Variants in ZNF609 observed in about 807,000 individuals in gnomAD.
ZNF609 encodes the protein zinc finger protein 609.
In ZNF609, 11 loss-of-function variants were observed where a neutral mutation model predicts 109.5. The observed-to-expected ratio is 0.10, with a 90% confidence interval of 0.06 to 0.17. The LOEUF is 0.17. ZNF609 is among the 10% of genes least tolerant of loss of function. The pLI is 1.00. For synonymous variants in ZNF609, 646 were observed against 662.0 expected (o/e 0.98, Z 0.37); for missense variants, 1,559 against 1,772.4 (o/e 0.88, Z 2.16).
At chr15:64,678,581 G>C (rs1327717409) in intron 6 of ZNF609, 99 bp downstream of exon 6, 5 of 1,493,308 alleles carry the variant, frequency 3.3e-6, no homozygotes, top group African/African-American at 1.4e-5. Flanking sequence ...AAGGCATATT[G>C]AGGCTCGCTT....
intron 1 of ZNF609, among the ~76,000 whole-genome samples, chr15:64,479,765 A>G (rs1893225753): frequency 6.6e-6 from 1 of 151,954 alleles, no homozygotes; most frequent in Admixed American, 6.5e-5. Flanking sequence ...CTAAAAATAC[A>G]AACATTAGCT....
intron 3 of ZNF609, among the ~76,000 whole-genome samples, chr15:64,646,325 C>T (rs73454930): frequency 0.046 from 7,020 of 151,946 alleles, 537 homozygotes; most frequent in African/African-American, 0.16. Flanking sequence ...AAGACTGCAT[C>T]TCTAGAAAAA....
At chr15:64,639,280 C>A (rs1896220085) in intron 3 of ZNF609, among the ~76,000 whole-genome samples, 1 of 152,192 alleles carries the variant, frequency 6.6e-6, no homozygotes, top group Non-Finnish European at 1.5e-5. Flanking sequence ...CTGATTTAAT[C>A]AACACCACAT....
chr15:64,492,824 C>T (rs1893432469), intron 1 of ZNF609, among the ~76,000 whole-genome samples: 1 of 152,220 alleles, frequency 6.6e-6, no homozygotes, highest in Non-Finnish European at 1.5e-5. Context: ...GAAATCACAT[C>T]TCCTGACTCA....
intron 3 of ZNF609, among the ~76,000 whole-genome samples, chr15:64,639,859 G>A (rs575223448): frequency 1.3e-5 from 2 of 152,260 alleles, no homozygotes; most frequent in Admixed American, 1.3e-4. Context: ...AAGTCAGTCT[G>A]AGCAGATCAT....
chr15:64,598,159 G>T (rs1026600124), intron 2 of ZNF609, among the ~76,000 whole-genome samples: 11 of 152,154 alleles, frequency 7.2e-5, no homozygotes, highest in African/African-American at 2.7e-4. Flanking sequence ...CTGTCACCCA[G>T]GCTGGAGTGC....
chr15:64,638,751 C>T (rs1295038852), intron 3 of ZNF609, among the ~76,000 whole-genome samples: 7 of 151,936 alleles, frequency 4.6e-5, no homozygotes, highest in Non-Finnish European at 7.4e-5. Context: ...GAAAATTAGC[C>T]AGGCTTGGTT....
rs573074783 is a variant in ZNF609 at position 64,485,496 on chromosome 15, C to T, written c.-127-13797C>T. 3.9e-5 allele frequency among the ~76,000 whole-genome samples: 6 copies of T among 152,118 alleles called. No individual in the cohort carries two copies. In the East Asian group the frequency reaches 5.8e-4, roughly 15 times the overall value. On this transcript the variant is annotated intron_variant, in intron 1 of 9. Transcript: ENST00000326648. ...ATTTTGAGATAATTATAGAGTCTTA[C>T]GCAGTTGTAAGAATAATGCAGTGGG...
intron 1 of ZNF609, among the ~76,000 whole-genome samples, chr15:64,477,907 G>C (rs770523881): frequency 2.6e-5 from 4 of 152,124 alleles, no homozygotes; most frequent in Admixed American, 6.5e-5. Flanking sequence ...TGGGATTATA[G>C]GCATGAGCCA....
At chr15:64,663,017 A>C (rs962253195) in intron 3 of ZNF609, among the ~76,000 whole-genome samples, 5 of 152,214 alleles carry the variant, frequency 3.3e-5, no homozygotes, top group South Asian at 2.1e-4. Context: ...ATACATACAG[A>C]TGTATGTATC....
At chr15:64,673,834 C>T in intron 4 of ZNF609, 82 bp from the exon 5 acceptor site, 1 of 1,424,900 alleles carries the variant, frequency 7.0e-7, no homozygotes, top group Middle Eastern at 2.3e-4. Flanking sequence ...ACCATCTGGA[C>T]AGTTCTGGAG....
At chr15:64,604,570 A>G (rs1054703478) in intron 2 of ZNF609, among the ~76,000 whole-genome samples, 10 of 152,222 alleles carry the variant, frequency 6.6e-5, no homozygotes, top group African/African-American at 2.4e-4. Context: ...CAGCATTTGT[A>G]TTATAACATC....
intron 5 of ZNF609, among the ~76,000 whole-genome samples, chr15:64,676,863 C>T (rs1456199941): frequency 6.6e-6 from 1 of 152,014 alleles, no homozygotes; most frequent in African/African-American, 2.4e-5. Flanking sequence ...ACACGATTCT[C>T]CTGCCTCAGC....
At chr15:64,633,897 T>C (rs1305443976) in intron 3 of ZNF609, among the ~76,000 whole-genome samples, 1 of 151,462 alleles carries the variant, frequency 6.6e-6, no homozygotes, top group African/African-American at 2.4e-5. Context: ...AAAAAAATTA[T>C]TAAAAAAAAA....
intron 2 of ZNF609, among the ~76,000 whole-genome samples, chr15:64,514,849 C>T (rs903509395): frequency 2.0e-5 from 3 of 152,150 alleles, no homozygotes; most frequent in Admixed American, 1.3e-4. Context: ...ACACTTGAGG[C>T]TGGCCCCAAA....
chr15:64,474,608 T>G (rs976249565), intron 1 of ZNF609, among the ~76,000 whole-genome samples: 4 of 152,228 alleles, frequency 2.6e-5, no homozygotes, highest in African/African-American at 9.6e-5. Context: ...ATACAACTGC[T>G]GTATTATAAT....
chr15:64,577,057 C>CATACACATAAAT lies in ZNF609; in HGVS notation c.748-45767_748-45766insCACATAAATATA, dbSNP rs1894983406. On this transcript the variant is annotated intron_variant, in intron 2 of 9. Coordinates refer to ENST00000326648, the MANE Select transcript of ZNF609 (RefSeq NM_015042.2). ...ATGTATATATACACATAAATATATACATATATGTATATATACACAAATATA... is the reference window on the plus strand; with the variant it reads ...ATGTATATATACACATAAATATATACATACACATAAATATATATGTATATATACACAAATATA... 8.4e-5 allele frequency among the ~76,000 whole-genome samples: 3 copies of CATACACATAAAT among 35,866 alleles called. 1 individual carries two copies. The highest frequency in any genetic ancestry group is 1.1e-4 in the Non-Finnish European group (2 of 18,792). The allele number at this position is 35,866 out of a possible 152,430, so 23.5% of individuals were successfully genotyped here.
At chr15:64,503,070 A>AAG (rs1206446950) in intron 2 of ZNF609, 14 of 151,780 alleles carry the variant, frequency 9.2e-5, no homozygotes, top group African/African-American at 2.9e-4. Flanking sequence ...AAAAAAAAAA[A>AAG]AAAGAAAGAG....
chr15:64,666,239 C>T lies in ZNF609; in HGVS notation c.974-4107C>T, dbSNP rs143130178. Among the ~76,000 whole-genome samples, 681 of 150,258 alleles carry T rather than the reference C, an allele frequency of 4.5e-3. 5 individuals are homozygous for T. Among genetic ancestry groups the T allele is most frequent in the South Asian group, 0.016 (74 of 4,756 alleles). On this transcript the variant is annotated intron_variant, in intron 3 of 9. Transcript: ENST00000326648. ...TATAACCCTGTCTTTACTAAAAACA[C>T]AAAAATCAGCCATGCATGGTGGCAC...
Sources: gnomAD v4.1 joint callset for allele counts (sites outside exome capture counted in the v4.1 genomes callset) on GRCh38, gnomAD v4.1.1 for gene constraint, MANE v1.5 for transcripts, NCBI Gene and HGNC (gene_info 2026-07-23, HGNC 2026-07-21) for gene names.